PRUNE2: variants seen among roughly 807,000 people sequenced by gnomAD.
PRUNE2 encodes prune homolog 2 with BCH domain.
In PRUNE2, 164 loss-of-function variants were observed where a neutral mutation model predicts 252.0. The observed-to-expected ratio is 0.65, with a 90% CI of 0.57 to 0.74. The LOEUF (loss-of-function observed/expected upper bound fraction) is 0.74, where lower values mean the gene tolerates loss of function less well. Among genes scored for constraint, PRUNE2 ranks in the 30% least tolerant of loss-of-function variants. The pLI, the probability that PRUNE2 is intolerant of heterozygous loss-of-function variation, is 0.00. For missense variants in PRUNE2, 3,495 were observed against 3,711.0 expected, an observed-to-expected ratio of 0.94 and a Z score of 1.51; for synonymous variants, 1,292 against 1,350.2, an observed-to-expected ratio of 0.96 and a Z score of 0.94.
chr9:76,618,652 C>T (rs1830725006), intron 18 of PRUNE2, among the ~76,000 whole-genome samples: 1 of 152,196 alleles, frequency 6.6e-6, no homozygotes. Context: ...ACCATTGGCC[C>T]TGGAGCTATA....
chr9:76,615,880 C>T lies in PRUNE2; in HGVS notation c.9237-1280G>A, dbSNP rs532606235. Among the ~76,000 whole-genome samples, 9 of 148,050 alleles carry T rather than the reference C, an allele frequency of 6.1e-5. No homozygotes were observed. In the East Asian group the frequency reaches 1.7e-3, roughly 27 times the overall value. ...CGTCTCCTAGATTCAAGCGACTCTCCTGCCTCAGCCTCCCGAGTAGCTGGG... is the reference window on the plus strand; with the variant it reads ...CGTCTCCTAGATTCAAGCGACTCTCTTGCCTCAGCCTCCCGAGTAGCTGGG... On this transcript the variant is annotated intron_variant, in intron 18 of 18. Coordinates refer to ENST00000376718, the MANE Select transcript of PRUNE2 (RefSeq NM_015225.3).
intron 1 of PRUNE2, among the ~76,000 whole-genome samples, chr9:76,876,530 T>C (rs1436797475): frequency 2.0e-5 from 3 of 152,128 alleles, no homozygotes; most frequent in African/African-American, 7.2e-5. Flanking sequence ...CCTTGACCTA[T>C]TCCCTCTTTC....
chr9:76,861,569 C>T (rs1026270539), intron 1 of PRUNE2, among the ~76,000 whole-genome samples: 1 of 152,132 alleles, frequency 6.6e-6, no homozygotes, highest in African/African-American at 2.4e-5. Flanking sequence ...TCCCCCCGGT[C>T]AGGCTTCTTG....
chr9:76,653,105 C>T (rs1393387286), intron 10 of PRUNE2, among the ~76,000 whole-genome samples: 1 of 152,110 alleles, frequency 6.6e-6, no homozygotes, highest in African/African-American at 2.4e-5. Context: ...CCCCCTCAGC[C>T]TTGGCCATGT....
At chr9:76,731,292 A>G (rs11145030) in intron 6 of PRUNE2, among the ~76,000 whole-genome samples, 1 of 98,918 alleles carries the variant, frequency 1.0e-5, no homozygotes, top group Non-Finnish European at 2.0e-5. Context: ...CTATCTATCT[A>G]TCTATCTATC....
chr9:76,790,372 T>A (rs2055433573), intron 6 of PRUNE2, among the ~76,000 whole-genome samples: 1 of 152,204 alleles, frequency 6.6e-6, no homozygotes. Context: ...CACAGTGACC[T>A]CTAGTTAACT....
In PRUNE2 at chr9:76,614,577, T is replaced by A; in HGVS notation, c.9260A>T (p.Lys3087Met). 1.2e-6 allele frequency: 2 copies of A among 1,612,620 alleles called. No individual in the cohort carries two copies. Among genetic ancestry groups the A allele is most frequent in the South Asian group, 1.1e-5 (1 of 90,948 alleles). ...TTCTTCCAGCATGGCCAACTAAGGC[T>A]TTTCTTTCAGCTTCAAGTCAATACT... ...EKDIDLKLKE[K>M]P is the part of the protein sequence containing the mutation. The change falls in exon 19 of 19, where the codon AAG (lysine) becomes ATG (methionine). Residue 3087 changes from lysine to methionine, a missense_variant. Transcript: ENST00000376718.
intron 4 of PRUNE2, among the ~76,000 whole-genome samples, chr9:76,841,079 G>T (rs890690629): frequency 6.6e-6 from 1 of 152,186 alleles, no homozygotes; most frequent in African/African-American, 2.4e-5. Context: ...CAGAAGGGGG[G>T]TGATGTCTGC....
intron 9 of PRUNE2, chr9:76,700,100 C>A (rs1046151549): frequency 6.6e-6 from 1 of 152,154 alleles, no homozygotes; most frequent in African/African-American, 2.4e-5. Context: ...GCCCTAGTAA[C>A]AAGTTTTGTT....
At chr9:76,873,750 C>T (rs2061344370) in intron 1 of PRUNE2, among the ~76,000 whole-genome samples, 1 of 152,116 alleles carries the variant, frequency 6.6e-6, no homozygotes, top group African/African-American at 2.4e-5. Flanking sequence ...ACGGGCTACC[C>T]GATACACAAT....
intron 7 of PRUNE2, 60 bp downstream of exon 7, chr9:76,713,503 G>C: frequency 6.9e-7 from 1 of 1,452,072 alleles, no homozygotes; most frequent in South Asian, 1.4e-5. Flanking sequence ...TGCACTGTGT[G>C]TTCTGAGAGC....
intron 1 of PRUNE2, among the ~76,000 whole-genome samples, chr9:76,872,280 C>A (rs1348143036): frequency 6.6e-6 from 1 of 152,212 alleles, no homozygotes; most frequent in Non-Finnish European, 1.5e-5. Context: ...CTAGAAACGT[C>A]TCTTCTAAGA....
intron 11 of PRUNE2, among the ~76,000 whole-genome samples, chr9:76,649,612 TGATAGATAGATAGATA>T (rs56889503): frequency 1.3e-5 from 2 of 149,868 alleles, no homozygotes; most frequent in South Asian, 2.1e-4. Context: ...GATAGATAGA[TGATAGATAGATAGATA>T]GATAGATAGA....
chr9:76,732,183 G>A (rs2048677109), intron 6 of PRUNE2, among the ~76,000 whole-genome samples: 1 of 152,156 alleles, frequency 6.6e-6, no homozygotes, highest in Non-Finnish European at 1.5e-5. Context: ...GCATGGTGGT[G>A]GGTGCCTGTA....
At chr9:76,666,982 G>T (rs766362895) in intron 9 of PRUNE2, among the ~76,000 whole-genome samples, 1 of 152,124 alleles carries the variant, frequency 6.6e-6, no homozygotes, top group Admixed American at 6.5e-5. Flanking sequence ...GGAAGCAGAG[G>T]TTGGGGTGAG....
Position 76,704,947 on chromosome 9 carries a change from G to C in PRUNE2, c.7327C>G (p.Gln2443Glu). Residue 2443 changes from glutamine to glutamate, a missense_variant, in exon 8 of 19, where the codon CAG becomes GAG. Gln to Glu is a conservative substitution (Grantham distance 29). Transcript: ENST00000376718. Reference sequence around the variant, plus strand: ...GGCAGTCTGTTTTTGGTCTCAGCCTGGTTTCCCTCACTTCTTCGATCAGGA... The same window carrying C: ...GGCAGTCTGTTTTTGGTCTCAGCCTCGTTTCCCTCACTTCTTCGATCAGGA... ...ALPDRRSEGN[Q>E]AETKNRLPGS... 6.2e-7 allele frequency: 1 copy of C among 1,612,926 alleles called. No individual in the cohort carries two copies. Among genetic ancestry groups the C allele is most frequent in the Non-Finnish European group, 8.5e-7 (1 of 1,179,400 alleles).
chr9:76,840,790 G>T (rs2059343015), intron 4 of PRUNE2, among the ~76,000 whole-genome samples: 1 of 152,164 alleles, frequency 6.6e-6, no homozygotes, highest in African/African-American at 2.4e-5. Flanking sequence ...AGACCAGCCT[G>T]GCCAACATGG....
At chr9:76,840,278 T>C (rs2059308450) in intron 4 of PRUNE2, among the ~76,000 whole-genome samples, 1 of 152,136 alleles carries the variant, frequency 6.6e-6, no homozygotes, top group Non-Finnish European at 1.5e-5. Context: ...AAGGAACACA[T>C]TGAAAGTGAC....
intron 9 of PRUNE2, among the ~76,000 whole-genome samples, chr9:76,698,877 T>G (rs2045633585): frequency 6.6e-6 from 1 of 152,144 alleles, no homozygotes; most frequent in Non-Finnish European, 1.5e-5. Flanking sequence ...CCAAATACAC[T>G]GTGTTCGAAG....
Sources: allele counts gnomAD v4.1 joint callset (sites outside exome capture counted in the v4.1 genomes callset), GRCh38; gene constraint gnomAD v4.1.1; transcripts MANE v1.5; gene names NCBI Gene and HGNC (gene_info 2026-07-23, HGNC 2026-07-21).